PEX7: variants seen among roughly 807,000 people sequenced by gnomAD.
PEX7 encodes PTS2 receptor.
A neutral mutation model predicts 47.5 loss-of-function variants in PEX7; 34 were observed. The observed-to-expected ratio is 0.72, with a 90% CI of 0.54 to 0.95. The LOEUF is 0.95. Among genes scored for constraint, PEX7 ranks in the 40% least tolerant of loss-of-function variants. PEX7 has a pLI of 0.00. For synonymous variants in PEX7, 141 were observed against 148.8 expected (o/e 0.95, Z 0.38); for missense variants, 394 against 400.3 (o/e 0.98, Z 0.13).
At chr6:136,874,000 T>C (rs1775225153) in intron 8 of PEX7, among the ~76,000 whole-genome samples, 2 of 152,206 alleles carry the variant, frequency 1.3e-5, no homozygotes, top group African/African-American at 2.4e-5. Context: ...TTTCTCACCA[T>C]GGTGTTGAAT....
chr6:136,888,023 C>T (rs1302708161), intron 8 of PEX7, among the ~76,000 whole-genome samples: 1 of 151,724 alleles, frequency 6.6e-6, no homozygotes, highest in African/African-American at 2.4e-5. Flanking sequence ...TTTTTTGATC[C>T]TTATGTTTAT....
At chr6:136,845,511 T>A (rs1163134078) in intron 3 of PEX7, 104 bp from the exon 4 acceptor site, 1 of 753,992 alleles carries the variant, frequency 1.3e-6, no homozygotes, top group Non-Finnish European at 2.5e-6. Context: ...TGTTTTGACA[T>A]AGTAAATTAG....
intron 3 of PEX7, chr6:136,829,879 G>C: frequency 1.6e-6 from 1 of 629,414 alleles, no homozygotes; most frequent in Non-Finnish European, 2.8e-6. Flanking sequence ...GGAGGTTGCA[G>C]TGAGCTGAGT....
chr6:136,870,351 T>C (rs1775151769), intron 7 of PEX7, among the ~76,000 whole-genome samples: 1 of 152,240 alleles, frequency 6.6e-6, no homozygotes, highest in Non-Finnish European at 1.5e-5. Flanking sequence ...CGAGAGTCTC[T>C]ACTTTGTTGA....
At chr6:136,875,857 T>C (rs543813677) in intron 8 of PEX7, among the ~76,000 whole-genome samples, 41 of 152,306 alleles carry the variant, frequency 2.7e-4, no homozygotes, top group African/African-American at 9.4e-4. Context: ...GTAGATATTA[T>C]GGTGAATTGA....
chr6:136,826,173 C>T (rs1774187204), intron 2 of PEX7, 146 bp from the exon 3 acceptor site: 1 of 860,334 alleles, frequency 1.2e-6, no homozygotes. Context: ...CTACTTAACT[C>T]CCGTAGTTGT....
intron 5 of PEX7, among the ~76,000 whole-genome samples, chr6:136,854,347 C>G (rs1774820537): frequency 6.6e-6 from 1 of 152,040 alleles, no homozygotes; most frequent in Non-Finnish European, 1.5e-5. Flanking sequence ...CCATCACACC[C>G]AGCTAATTTT....
chr6:136,908,737 A>G (rs1775884439), intron 9 of PEX7, among the ~76,000 whole-genome samples: 1 of 152,184 alleles, frequency 6.6e-6, no homozygotes. Context: ...TGCCTCTCGA[A>G]AGATTGAGTT....
chr6:136,835,776 T>C (rs1380812422), intron 3 of PEX7, among the ~76,000 whole-genome samples: 2 of 152,186 alleles, frequency 1.3e-5, no homozygotes, highest in Admixed American at 1.3e-4. Context: ...GATTGCAATA[T>C]TCAAAATATA....
At chr6:136,865,590 C>T (rs916028656) in intron 5 of PEX7, among the ~76,000 whole-genome samples, 22 of 152,276 alleles carry the variant, frequency 1.4e-4, no homozygotes, top group Non-Finnish European at 2.5e-4. Flanking sequence ...TGAGCCACCA[C>T]GCCTGGCTAA....
intron 3 of PEX7, among the ~76,000 whole-genome samples, chr6:136,834,708 A>T (rs1774355636): frequency 6.6e-6 from 1 of 152,202 alleles, no homozygotes; most frequent in Non-Finnish European, 1.5e-5. Flanking sequence ...TGGGGGTTGG[A>T]CTTTATGCTT....
Position 136,913,832 on chromosome 6 carries a change from T to G in PEX7, c.*306T>G, listed in dbSNP as rs1050803. 0.54 allele frequency: 168,815 copies of G among 311,414 alleles called. 45,781 individuals carry two copies. The highest frequency in any genetic ancestry group is 0.61 in the South Asian group (13,773 of 22,536). 19.3% of individuals were successfully genotyped at this position (311,414 alleles called of 1,614,324 possible). ...AATATGGGAGATCAGTAGGTTATAC[T>G]TATATAGATAGTGATATATTTCATT... On this transcript the variant is annotated 3_prime_UTR_variant, in exon 10 of 10. Transcript: ENST00000318471.
intron 5 of PEX7, among the ~76,000 whole-genome samples, chr6:136,855,148 T>G (rs1246911041): frequency 2.0e-5 from 3 of 151,936 alleles, no homozygotes; most frequent in Non-Finnish European, 4.4e-5. Context: ...ACTTACCTGC[T>G]GGGAGCTCTA....
At chr6:136,902,834 A>G (rs1217086500) in intron 9 of PEX7, among the ~76,000 whole-genome samples, 2 of 152,190 alleles carry the variant, frequency 1.3e-5, no homozygotes, top group Non-Finnish European at 2.9e-5. Context: ...ACAAGTTTAC[A>G]TATCTTTATA....
chr6:136,859,131 T>C (rs1774914347), intron 5 of PEX7, among the ~76,000 whole-genome samples: 1 of 152,220 alleles, frequency 6.6e-6, no homozygotes, highest in Non-Finnish European at 1.5e-5. Context: ...GCTCCAAGAA[T>C]TTAGTCATCT....
rs188730790 is a variant in PEX7, at chr6:136,829,487, C to G, written c.339+3018C>G. On this transcript the variant is annotated intron_variant, in intron 3 of 9. Coordinates refer to ENST00000318471, the MANE Select transcript of PEX7 (RefSeq NM_000288.4). ...ACCTAATTACCCCCCAGAGGCCCTA[C>G]GTCCTAAAACCATTACACTGGGGGG... Among the ~76,000 whole-genome samples the G allele has an allele frequency of 2.6e-5, 4 of 152,282 alleles. No homozygotes were observed. The East Asian group carries it at 7.7e-4, about 29-fold the overall frequency.
chr6:136,880,692 C>T (rs1343816604), intron 8 of PEX7, among the ~76,000 whole-genome samples: 1 of 152,150 alleles, frequency 6.6e-6, no homozygotes, highest in Non-Finnish European at 1.5e-5. Context: ...TTTACATGGC[C>T]TCATTGCCTA....
intron 5 of PEX7, among the ~76,000 whole-genome samples, chr6:136,864,387 C>A (rs536874041): frequency 6.6e-5 from 10 of 152,104 alleles, no homozygotes; most frequent in African/African-American, 2.4e-4. Context: ...CATGCTACTA[C>A]CTTGTCTCAT....
intron 9 of PEX7, among the ~76,000 whole-genome samples, chr6:136,907,531 T>C (rs1190214225): frequency 1.3e-5 from 2 of 152,138 alleles, no homozygotes; most frequent in African/African-American, 4.8e-5. Context: ...GTTTCTATTA[T>C]TCATTTTTGC....
Sources: gnomAD v4.1 joint callset for allele counts (sites outside exome capture counted in the v4.1 genomes callset) on GRCh38, gnomAD v4.1.1 for gene constraint, MANE v1.5 for transcripts, NCBI Gene and HGNC (gene_info 2026-07-23, HGNC 2026-07-21) for gene names.